RTKN2: variants seen among roughly 807,000 people sequenced by gnomAD.
RTKN2 encodes the protein rhotekin-2.
Under a neutral mutation model 71.5 loss-of-function variants are expected in RTKN2, and 69 were observed. That is an observed-to-expected ratio of 0.96 (90% CI 0.79 to 1.18). The LOEUF is 1.18. Among genes scored for constraint, RTKN2 ranks in the 50% most tolerant of loss-of-function variants. The pLI is 0.00. For missense variants in RTKN2, 724 were observed against 719.7 expected, an observed-to-expected ratio of 1.01 and a Z score of -0.07; for synonymous variants, 236 against 236.5, an observed-to-expected ratio of 1.00 and a Z score of 0.02.
intron 2 of RTKN2, among the ~76,000 whole-genome samples, chr10:62,257,283 T>G (rs750508343): frequency 6.6e-6 from 1 of 152,212 alleles, no homozygotes; most frequent in Non-Finnish European, 1.5e-5. Context: ...AAGCTTATAA[T>G]TTATGAAAAG....
intron 10 of RTKN2, among the ~76,000 whole-genome samples, chr10:62,203,125 A>C (rs1207463464): frequency 6.6e-6 from 1 of 152,182 alleles, no homozygotes; most frequent in East Asian, 1.9e-4. Flanking sequence ...GCGCCATTGC[A>C]CTCCAGCCTG....
chr10:62,202,223 T>TC (rs1841458782), intron 10 of RTKN2, among the ~76,000 whole-genome samples: 1 of 152,132 alleles, frequency 6.6e-6, no homozygotes. Context: ...CCCACCAACA[T>TC]CCACCCGAGG....
intron 6 of RTKN2, among the ~76,000 whole-genome samples, chr10:62,231,954 G>A (rs1842157691): frequency 6.6e-6 from 1 of 152,162 alleles, no homozygotes; most frequent in East Asian, 1.9e-4. Context: ...GGTAAGAGTA[G>A]TCCCGGGCTA....
intron 2 of RTKN2, among the ~76,000 whole-genome samples, chr10:62,257,175 C>G (rs1842691098): frequency 1.3e-5 from 2 of 152,320 alleles, no homozygotes; most frequent in Middle Eastern, 3.4e-3. Flanking sequence ...TGCCTCTAAG[C>G]TCCAGGCACC....
At chr10:62,209,161 G>C (rs766404461) in intron 9 of RTKN2, among the ~76,000 whole-genome samples, 1 of 152,050 alleles carries the variant, frequency 6.6e-6, no homozygotes, top group Non-Finnish European at 1.5e-5. Flanking sequence ...CCAGCTACCC[G>C]GGAGGCTGAG....
intron 2 of RTKN2, among the ~76,000 whole-genome samples, chr10:62,255,012 G>A (rs960301281): frequency 5.9e-5 from 9 of 151,968 alleles, no homozygotes; most frequent in Non-Finnish European, 8.8e-5. Flanking sequence ...GGACTGGACA[G>A]AGGGATAAAA....
At chr10:62,189,201 A>G (rs1305517794), downstream of RTKN2, among the ~76,000 whole-genome samples, 1 of 151,958 alleles carries the variant, frequency 6.6e-6, no homozygotes, top group Admixed American at 6.6e-5. Context: ...TGTGTATTAC[A>G]GGATGTTTAG....
chr10:62,235,547 G>A (rs941598137), intron 6 of RTKN2, among the ~76,000 whole-genome samples: 7 of 151,858 alleles, frequency 4.6e-5, no homozygotes, highest in Non-Finnish European at 8.8e-5. Flanking sequence ...CACCACAAGT[G>A]GAAAATTCTA....
intron 10 of RTKN2, among the ~76,000 whole-genome samples, chr10:62,203,531 T>C (rs1589336049): frequency 6.6e-6 from 1 of 151,992 alleles, no homozygotes; most frequent in South Asian, 2.1e-4. Context: ...TTTTAGTAGA[T>C]ACGGGGTTTT....
chr10:62,184,969 G>A (rs1259998052), intron 8 of RTKN2, among the ~76,000 whole-genome samples: 1 of 152,134 alleles, frequency 6.6e-6, no homozygotes, highest in Non-Finnish European at 1.5e-5. Flanking sequence ...AAAGTTAACA[G>A]GTAAACCACT....
chr10:62,222,458 C>T (rs534727051), intron 7 of RTKN2, among the ~76,000 whole-genome samples: 3 of 152,074 alleles, frequency 2.0e-5, no homozygotes, highest in Non-Finnish European at 4.4e-5. Context: ...TGAACTTTTC[C>T]CTATTTTTAA....
chr10:62,258,841 A>AT, intron 2 of RTKN2, among the ~76,000 whole-genome samples: 1 of 152,194 alleles, frequency 6.6e-6, no homozygotes. Flanking sequence ...GTTAAAAAAA[A>AT]GCACAGGTTC....
At chr10:62,206,063 C>T (rs1032213067) in intron 9 of RTKN2, among the ~76,000 whole-genome samples, 5 of 152,144 alleles carry the variant, frequency 3.3e-5, no homozygotes, top group African/African-American at 1.2e-4. Flanking sequence ...TCATGTAACT[C>T]AGCATATCTG....
intron 6 of RTKN2, among the ~76,000 whole-genome samples, chr10:62,231,108 A>C (rs1842139596): frequency 6.6e-6 from 1 of 152,196 alleles, no homozygotes; most frequent in African/African-American, 2.4e-5. Context: ...ATGTTTTATA[A>C]CTTTAATCAT....
At chr10:62,240,295 A>T (rs1842348294) in intron 4 of RTKN2, among the ~76,000 whole-genome samples, 1 of 151,654 alleles carries the variant, frequency 6.6e-6, no homozygotes, top group Non-Finnish European at 1.5e-5. Flanking sequence ...TGAGAACACA[A>T]AAAACATAGC....
Position 62,268,619 on chromosome 10 carries a change from C to A in RTKN2, c.-9G>T. 1 of 1,558,130 alleles carries A rather than the reference C, an allele frequency of 6.4e-7. No homozygotes were observed. The highest frequency in any genetic ancestry group is 8.7e-7 in the Non-Finnish European group (1 of 1,150,920). On this transcript the variant is annotated 5_prime_UTR_variant, in exon 1 of 12. Transcript: ENST00000373789. ...AGGCTCGGCCCCTCCATCTCCAACG[C>A]GAACTGTCCGGGCCGTCGCCACTCC...
At chr10:62,203,627 G>A (rs998468541) in intron 10 of RTKN2, among the ~76,000 whole-genome samples, 17 of 152,348 alleles carry the variant, frequency 1.1e-4, no homozygotes, top group Non-Finnish European at 2.4e-4. Context: ...TTACAGGCGT[G>A]AGCCACCGTG....
chr10:62,235,478 T>G (rs1031928947), intron 6 of RTKN2, among the ~76,000 whole-genome samples: 1 of 152,140 alleles, frequency 6.6e-6, no homozygotes, highest in Admixed American at 6.5e-5. Flanking sequence ...AAGCTGAGCA[T>G]CTCTGCTCTG....
In RTKN2 at chr10:62,194,981, ATTTTTGAAAGAC is replaced by A; in HGVS notation, c.*2915_*2926del. On this transcript the variant is annotated 3_prime_UTR_variant, in exon 12 of 12. Coordinates refer to ENST00000373789, the MANE Select transcript of RTKN2 (RefSeq NM_145307.4). ...CTCAGCAAGAGTTGGCACGCCTGATATTTTTGAAAGACTATTTACCTTAGGAGGTGTGCATTT... is the reference window on the plus strand; with the variant it reads ...CTCAGCAAGAGTTGGCACGCCTGATATATTTACCTTAGGAGGTGTGCATTT... 1 of 985,400 alleles carries A rather than the reference ATTTTTGAAAGAC, an allele frequency of 1.0e-6. No individual in the cohort carries two copies. The highest frequency in any genetic ancestry group is 1.2e-6 in the Non-Finnish European group (1 of 829,912). The allele number at this position is 985,400 out of a possible 1,614,324, so 61.0% of individuals were successfully genotyped here.
Sources: allele counts gnomAD v4.1 joint callset (sites outside exome capture counted in the v4.1 genomes callset), GRCh38; gene constraint gnomAD v4.1.1; transcripts MANE v1.5; gene names NCBI Gene and HGNC (gene_info 2026-07-23, HGNC 2026-07-21).